NEBL: variants seen among roughly 807,000 people sequenced by gnomAD.
NEBL encodes the protein LIM and SH3 protein 2.
In NEBL, 122 loss-of-function variants were observed where a neutral mutation model predicts 140.2. The observed-to-expected ratio is 0.87, with a 90% CI of 0.75 to 1.01. The LOEUF is 1.01. NEBL is among the 50% of genes least tolerant of loss of function. NEBL has a pLI of 0.00. For missense variants in NEBL, 1,365 were observed against 1,231.3 expected (o/e 1.11, Z -1.62); for synonymous variants, 436 against 398.9 (o/e 1.09, Z -1.11).
At chr10:20,903,036 A>C (rs1847936773) in intron 4 of NEBL, among the ~76,000 whole-genome samples, 2 of 152,230 alleles carry the variant, frequency 1.3e-5, no homozygotes, top group Non-Finnish European at 2.9e-5. Flanking sequence ...AATGATTCTT[A>C]TCCATAGAAA....
At chr10:20,814,543 A>G (rs1352025337) in intron 22 of NEBL, among the ~76,000 whole-genome samples, 20 of 151,862 alleles carry the variant, frequency 1.3e-4, no homozygotes, top group Admixed American at 1.3e-3. Context: ...TCAAAGCTGC[A>G]ATGAGCTATG....
chr10:21,130,119 TA>T (rs1445048419), intron 2 of NEBL, among the ~76,000 whole-genome samples: 1 of 107,456 alleles, frequency 9.3e-6, no homozygotes, highest in African/African-American at 7.4e-5. Flanking sequence ...CAAAACAGGG[TA>T]GAACTTCAAA....
At chr10:21,292,416 T>C (rs1444663165) in intron 1 of NEBL, among the ~76,000 whole-genome samples, 3 of 152,218 alleles carry the variant, frequency 2.0e-5, no homozygotes, top group Non-Finnish European at 2.9e-5. Flanking sequence ...TCACACTACA[T>C]ACTGTCAATG....
chr10:20,864,662 T>G (rs1205567220), intron 7 of NEBL, among the ~76,000 whole-genome samples: 1 of 152,212 alleles, frequency 6.6e-6, no homozygotes, highest in Admixed American at 6.5e-5. Flanking sequence ...CTCATCTCCC[T>G]GTTATTAAAT....
At chr10:20,915,363 G>T (rs7920103) in intron 4 of NEBL, among the ~76,000 whole-genome samples, 95,597 of 148,066 alleles carry the variant, frequency 0.65, 31,254 homozygotes, top group Admixed American at 0.73. Flanking sequence ...CACTAACTCA[G>T]CATCTAGCAT....
intron 3 of NEBL, among the ~76,000 whole-genome samples, chr10:20,974,342 G>A (rs1458513629): frequency 4.0e-5 from 6 of 149,984 alleles, no homozygotes; most frequent in Non-Finnish European, 8.9e-5. Context: ...CAGCCTCAAC[G>A]TCTTGGGCTC....
At chr10:20,790,362 G>A (rs1056887138) in intron 26 of NEBL, among the ~76,000 whole-genome samples, 4 of 151,978 alleles carry the variant, frequency 2.6e-5, no homozygotes, top group East Asian at 3.9e-4. Flanking sequence ...CAGCACTTTG[G>A]TAGGCTGAGG....
intron 4 of NEBL, among the ~76,000 whole-genome samples, chr10:20,932,774 T>C (rs1028069611): frequency 1.3e-5 from 2 of 152,214 alleles, no homozygotes; most frequent in Non-Finnish European, 2.9e-5. Flanking sequence ...TTCACATGCC[T>C]TTCCTAATCA....
chr10:20,934,414 G>A (rs1388997868), intron 4 of NEBL, among the ~76,000 whole-genome samples: 1 of 152,204 alleles, frequency 6.6e-6, no homozygotes, highest in Non-Finnish European at 1.5e-5. Flanking sequence ...AGACTCATTA[G>A]TCATTCTCCT....
intron 3 of NEBL, among the ~76,000 whole-genome samples, chr10:21,210,327 G>C (rs1432439450): frequency 1.3e-5 from 2 of 152,124 alleles, no homozygotes; most frequent in African/African-American, 4.8e-5. Context: ...CTGAGAGACG[G>C]AAGTTGCAGT....
At chr10:20,916,013 ACTGT>A (rs1216233468) in intron 4 of NEBL, among the ~76,000 whole-genome samples, 1 of 152,256 alleles carries the variant, frequency 6.6e-6, no homozygotes, top group Non-Finnish European at 1.5e-5. Context: ...GACATAACAG[ACTGT>A]CTTTCTACGA....
intron 4 of NEBL, among the ~76,000 whole-genome samples, chr10:20,941,763 C>A (rs991806744): frequency 6.6e-6 from 1 of 151,992 alleles, no homozygotes; most frequent in African/African-American, 2.4e-5. Flanking sequence ...AATCAATGTG[C>A]AAAAATCACA....
At chr10:21,098,884 C>T (rs1837336974) in intron 2 of NEBL, among the ~76,000 whole-genome samples, 1 of 152,192 alleles carries the variant, frequency 6.6e-6, no homozygotes, top group Non-Finnish European at 1.5e-5. Flanking sequence ...ATCTCATAAT[C>T]CCAACAATTT....
At chr10:21,080,275 G>T (rs1418865157) in intron 2 of NEBL, among the ~76,000 whole-genome samples, 2 of 152,200 alleles carry the variant, frequency 1.3e-5, no homozygotes, top group African/African-American at 2.4e-5. Flanking sequence ...CATATTCTGT[G>T]ATCTTGAGAC....
chr10:21,227,791 T>TTTCTTCTTC (rs148503650), intron 3 of NEBL, among the ~76,000 whole-genome samples: 6 of 146,568 alleles, frequency 4.1e-5, no homozygotes, highest in African/African-American at 1.6e-4. Context: ...CTTTCTCTTC[T>TTTCTTCTTC]TTCTTCTTCT....
intron 3 of NEBL, among the ~76,000 whole-genome samples, chr10:20,982,107 C>T (rs1008142925): frequency 1.3e-5 from 2 of 152,198 alleles, no homozygotes; most frequent in Non-Finnish European, 2.9e-5. Flanking sequence ...TTGTGATCAA[C>T]GTTCAATTAC....
At chr10:20,910,164 T>C (rs1244525247) in intron 4 of NEBL, among the ~76,000 whole-genome samples, 1 of 152,178 alleles carries the variant, frequency 6.6e-6, no homozygotes, top group African/African-American at 2.4e-5. Flanking sequence ...AAGAAATGAG[T>C]TGAGGACATA....
chr10:21,264,967 G>C (rs1344349387), intron 1 of NEBL, among the ~76,000 whole-genome samples: 2 of 151,840 alleles, frequency 1.3e-5, no homozygotes, highest in African/African-American at 4.8e-5. Context: ...TTGAGACAGA[G>C]TCTAGAGTGC....
At chr10:20,875,388 T>C (rs998971676) in intron 5 of NEBL, among the ~76,000 whole-genome samples, 2 of 152,168 alleles carry the variant, frequency 1.3e-5, no homozygotes, top group Non-Finnish European at 2.9e-5. Flanking sequence ...TGGAACTACA[T>C]CCTCCAGAGT....
Sources: gnomAD v4.1 joint callset for allele counts (sites outside exome capture counted in the v4.1 genomes callset) on GRCh38, gnomAD v4.1.1 for gene constraint, MANE v1.5 for transcripts, NCBI Gene and HGNC (gene_info 2026-07-23, HGNC 2026-07-21) for gene names.